SSBP2: variants seen among roughly 807,000 people sequenced by gnomAD.
The protein encoded by SSBP2 is single stranded DNA binding protein 2.
SSBP2 carries 17 observed loss-of-function variants against 61.8 expected under a neutral mutation model. That is an observed-to-expected ratio of 0.28 (90% CI 0.19 to 0.41). SSBP2 has a LOEUF of 0.41. SSBP2 is among the 10% of genes least tolerant of loss of function. SSBP2 has a pLI of 1.00. For synonymous variants in SSBP2, 139 were observed against 141.3 expected (o/e 0.98, Z 0.12); for missense variants, 310 against 458.7 (o/e 0.68, Z 2.96).
intron 5 of SSBP2, among the ~76,000 whole-genome samples, chr5:81,512,465 A>G (rs1768689842): frequency 6.6e-6 from 1 of 152,140 alleles, no homozygotes; most frequent in Non-Finnish European, 1.5e-5. Context: ...AATATCTTAA[A>G]TGCTGGTGGT....
chr5:81,624,661 T>G (rs1746955177), intron 3 of SSBP2, among the ~76,000 whole-genome samples: 2 of 152,106 alleles, frequency 1.3e-5, no homozygotes, highest in Admixed American at 1.3e-4. Flanking sequence ...TATCATGACA[T>G]CAACAACAAA....
chr5:81,644,732 G>T (rs1429316792), intron 2 of SSBP2, among the ~76,000 whole-genome samples: 2 of 152,164 alleles, frequency 1.3e-5, no homozygotes, highest in Non-Finnish European at 2.9e-5. Context: ...ATAAGAGGGA[G>T]AACCAGAGTG....
chr5:81,565,509 C>G (rs902232620), intron 4 of SSBP2, among the ~76,000 whole-genome samples: 12 of 152,056 alleles, frequency 7.9e-5, no homozygotes, highest in African/African-American at 2.9e-4. Flanking sequence ...GTGTAGTTTT[C>G]TAGTATTTTA....
chr5:81,541,475 G>GGA (rs1771265860), intron 4 of SSBP2, among the ~76,000 whole-genome samples: 1 of 151,226 alleles, frequency 6.6e-6, no homozygotes, highest in Admixed American at 6.6e-5. Context: ...AATCCTAAGT[G>GGA]AAAAAAAACA....
At chr5:81,483,603 A>G (rs1027657009) in intron 6 of SSBP2, among the ~76,000 whole-genome samples, 4 of 152,272 alleles carry the variant, frequency 2.6e-5, no homozygotes, top group African/African-American at 9.6e-5. Flanking sequence ...AAAGTTATAC[A>G]TTGCTGGCTT....
chr5:81,737,796 A>C (rs1209697362), intron 1 of SSBP2, among the ~76,000 whole-genome samples: 1 of 151,340 alleles, frequency 6.6e-6, no homozygotes, highest in South Asian at 2.1e-4. Context: ...TCAAAAAAAA[A>C]AAAAAAACAA....
chr5:81,458,997 G>A (rs76713008), intron 10 of SSBP2, among the ~76,000 whole-genome samples: 2,437 of 152,232 alleles, frequency 0.016, 42 homozygotes, highest in South Asian at 0.093. Context: ...AAGGGTAGAT[G>A]TTTGCACATT....
At chr5:81,725,369 G>A (rs149578784) in intron 1 of SSBP2, among the ~76,000 whole-genome samples, 8 of 152,286 alleles carry the variant, frequency 5.3e-5, no homozygotes, top group Admixed American at 3.9e-4. Context: ...AATACAGAGT[G>A]CCAGTGGAAA....
In SSBP2 at chr5:81,575,085, T is replaced by C. The variant is rs908691674; in HGVS notation, c.282+40388A>G. ...GAGATCAAGACCATCCTGGCCAACA[T>C]GGTGAAACCCCGTCTCTACTAAAAA... On this transcript the variant is annotated intron_variant, in intron 4 of 16. Transcript: ENST00000320672. Among the ~76,000 whole-genome samples, 5 of 152,202 alleles carry C rather than the reference T, an allele frequency of 3.3e-5. No homozygotes were observed. In the South Asian group the frequency reaches 8.3e-4, roughly 25 times the overall value.
intron 5 of SSBP2, among the ~76,000 whole-genome samples, chr5:81,508,152 C>T (rs1768323596): frequency 6.6e-6 from 1 of 152,134 alleles, no homozygotes; most frequent in African/African-American, 2.4e-5. Flanking sequence ...TGGGTACCTA[C>T]AATGGATGTG....
chr5:81,560,877 T>C (rs1043030368), intron 4 of SSBP2, among the ~76,000 whole-genome samples: 1 of 152,198 alleles, frequency 6.6e-6, no homozygotes, highest in African/African-American at 2.4e-5. Flanking sequence ...TAAGACCTAC[T>C]GTCTTAACAA....
chr5:81,674,824 T>C (rs1035520716), intron 1 of SSBP2, among the ~76,000 whole-genome samples: 2 of 152,332 alleles, frequency 1.3e-5, no homozygotes, highest in East Asian at 3.9e-4. Flanking sequence ...CAGACTACTA[T>C]GCCACTTCAG....
At chr5:81,653,941 C>T (rs1431979128) in intron 1 of SSBP2, among the ~76,000 whole-genome samples, 1 of 151,910 alleles carries the variant, frequency 6.6e-6, no homozygotes, top group Non-Finnish European at 1.5e-5. Flanking sequence ...CCGTCCCAAG[C>T]TCCAAACCTA....
At chr5:81,470,299 T>C (rs1004119826) in intron 8 of SSBP2, among the ~76,000 whole-genome samples, 1 of 151,208 alleles carries the variant, frequency 6.6e-6, no homozygotes, top group African/African-American at 2.4e-5. Flanking sequence ...ACTGGTTTCA[T>C]ATATGATATT....
intron 1 of SSBP2, among the ~76,000 whole-genome samples, chr5:81,654,250 C>T (rs774433673): frequency 1.3e-5 from 2 of 152,138 alleles, no homozygotes; most frequent in African/African-American, 2.4e-5. Flanking sequence ...CAGGCATGAG[C>T]GACTGGACCT....
chr5:81,440,760 T>C (rs1762979332), intron 13 of SSBP2, 124 bp from the exon 14 acceptor site: 1 of 654,782 alleles, frequency 1.5e-6, no homozygotes, highest in African/African-American at 1.9e-5. Context: ...GCTATGGAGA[T>C]CTTTTACTTG....
At chr5:81,667,498 A>G (rs1032283237) in intron 1 of SSBP2, among the ~76,000 whole-genome samples, 3 of 152,130 alleles carry the variant, frequency 2.0e-5, no homozygotes, top group African/African-American at 7.2e-5. Context: ...ACTTAGTCCT[A>G]AAGTAAAGCT....
chr5:81,514,204 C>A (rs1768832229), intron 4 of SSBP2, among the ~76,000 whole-genome samples: 1 of 151,640 alleles, frequency 6.6e-6, no homozygotes, highest in Non-Finnish European at 1.5e-5. Context: ...CTATAGGTGG[C>A]AACACTCATA....
At chr5:81,572,748 G>C (rs1773927980) in intron 4 of SSBP2, among the ~76,000 whole-genome samples, 1 of 152,132 alleles carries the variant, frequency 6.6e-6, no homozygotes, top group Non-Finnish European at 1.5e-5. Context: ...CTCATCTCTA[G>C]CATCTTTAAA....
Sources: gnomAD v4.1 joint callset for allele counts (sites outside exome capture counted in the v4.1 genomes callset) on GRCh38, gnomAD v4.1.1 for gene constraint, MANE v1.5 for transcripts, NCBI Gene and HGNC (gene_info 2026-07-23, HGNC 2026-07-21) for gene names.